Variants in PLCL1 observed in about 807,000 individuals in gnomAD.
PLCL1 encodes the protein phospholipase C like 1 (inactive), also known as inactive phospholipase C-like protein 1.
Under a neutral mutation model 84.4 loss-of-function variants are expected in PLCL1, and 41 were observed. The observed-to-expected ratio is 0.49, with a 90% CI of 0.38 to 0.63. The LOEUF (loss-of-function observed/expected upper bound fraction) is 0.63. PLCL1 is among the 30% of genes least tolerant of loss of function. PLCL1 has a pLI of 0.00. For missense variants in PLCL1, 1,206 were observed against 1,367.8 expected (o/e 0.88, Z 1.87); for synonymous variants, 490 against 488.3 (o/e 1.00, Z -0.05).
chr2:197,969,436 T>G (rs1037783093), intron 1 of PLCL1, among the ~76,000 whole-genome samples: 1 of 152,172 alleles, frequency 6.6e-6, no homozygotes, highest in African/African-American at 2.4e-5. Flanking sequence ...TCCAGGCAAG[T>G]GCTATTTATG....
Position 198,084,566 on chromosome 2 carries a change from A to T in PLCL1, c.1049A>T (p.Glu350Val), listed in dbSNP as rs758032665. The T allele has an allele frequency of 6.2e-7, 1 of 1,613,388 alleles. No homozygotes were observed. The highest frequency in any genetic ancestry group is 1.1e-5 in the South Asian group (1 of 91,074). The stretch of plus-strand genomic sequence containing the variant: ...GAGCAAGGAGTCACCCATATCACCG[A>T]GGATATATGCTTAGACATCATAAGG... ...EAEQGVTHITEDICLDIIRRY... is the reference protein window; with the variant it reads ...EAEQGVTHITVDICLDIIRRY... The change falls in exon 2 of 6, where the codon GAG becomes GTG. Residue 350 changes from glutamate to valine, a missense_variant. Transcript: ENST00000428675.
intron 1 of PLCL1, among the ~76,000 whole-genome samples, chr2:198,052,869 A>G (rs1409035642): frequency 6.6e-6 from 1 of 152,158 alleles, no homozygotes; most frequent in Non-Finnish European, 1.5e-5. Context: ...CTCCCCCTTC[A>G]TTCCTAGCCT....
intron 1 of PLCL1, among the ~76,000 whole-genome samples, chr2:197,980,938 T>C (rs1425654189): frequency 6.6e-6 from 1 of 152,170 alleles, no homozygotes; most frequent in Non-Finnish European, 1.5e-5. Flanking sequence ...CTCAATGAGA[T>C]CTGGGGGAAG....
chr2:198,041,195 A>G (rs559056415), intron 1 of PLCL1, among the ~76,000 whole-genome samples: 1 of 152,320 alleles, frequency 6.6e-6, no homozygotes, highest in East Asian at 1.9e-4. Context: ...TCGGTTTGAA[A>G]TGTCTGAAAA....
chr2:198,057,827 T>G (rs1692104623), intron 1 of PLCL1, among the ~76,000 whole-genome samples: 1 of 152,238 alleles, frequency 6.6e-6, no homozygotes, highest in Non-Finnish European at 1.5e-5. Flanking sequence ...ACTTGAATAT[T>G]TCCAAGGGAA....
chr2:197,833,922 A>C (rs2105659432), intron 1 of PLCL1, among the ~76,000 whole-genome samples: 1 of 152,352 alleles, frequency 6.6e-6, no homozygotes, highest in Admixed American at 6.5e-5. Flanking sequence ...ACTGTACTAC[A>C]AGGCCACAGT....
At chr2:198,017,226 T>C (rs1316508653) in intron 1 of PLCL1, among the ~76,000 whole-genome samples, 1 of 152,138 alleles carries the variant, frequency 6.6e-6, no homozygotes. Flanking sequence ...CAAAGAACAA[T>C]AGACATGGGG....
intron 4 of PLCL1, among the ~76,000 whole-genome samples, chr2:198,102,499 G>A (rs991362822): frequency 6.6e-6 from 1 of 152,010 alleles, no homozygotes; most frequent in African/African-American, 2.4e-5. Context: ...ATAAAAACTA[G>A]AACAAGGAGA....
At chr2:197,987,684 C>T (rs982169807) in intron 1 of PLCL1, among the ~76,000 whole-genome samples, 1 of 152,154 alleles carries the variant, frequency 6.6e-6, no homozygotes, top group East Asian at 1.9e-4. Flanking sequence ...ATTATCATTA[C>T]TGAAGAATAA....
At chr2:198,066,014 A>G (rs1692313641) in intron 1 of PLCL1, among the ~76,000 whole-genome samples, 1 of 152,180 alleles carries the variant, frequency 6.6e-6, no homozygotes, top group Non-Finnish European at 1.5e-5. Flanking sequence ...GTTACAAATT[A>G]TTATTACTGA....
intron 1 of PLCL1, among the ~76,000 whole-genome samples, chr2:197,973,867 A>G (rs1241336475): frequency 1.3e-5 from 2 of 152,238 alleles, no homozygotes; most frequent in Admixed American, 1.3e-4. Flanking sequence ...CCTGATTTGT[A>G]TACTCTTCTT....
chr2:198,022,450 G>T (rs1691158105), intron 1 of PLCL1, among the ~76,000 whole-genome samples: 2 of 152,280 alleles, frequency 1.3e-5, no homozygotes, highest in South Asian at 4.1e-4. Context: ...AGGAAGAGAG[G>T]AAGTCAAATT....
intron 1 of PLCL1, among the ~76,000 whole-genome samples, chr2:197,964,319 T>C (rs1242369140): frequency 2.6e-5 from 4 of 152,120 alleles, no homozygotes; most frequent in Non-Finnish European, 5.9e-5. Flanking sequence ...TTCAGTTTTT[T>C]GGTTAATTCC....
chr2:198,112,539 C>T (rs917517604), intron 5 of PLCL1, among the ~76,000 whole-genome samples: 5 of 151,894 alleles, frequency 3.3e-5, no homozygotes, highest in Non-Finnish European at 7.4e-5. Context: ...CCCTCCTCCA[C>T]AGCCACAGTT....
intron 1 of PLCL1, among the ~76,000 whole-genome samples, chr2:197,849,277 C>A (rs750399911): frequency 6.6e-6 from 1 of 151,978 alleles, no homozygotes; most frequent in Non-Finnish European, 1.5e-5. Context: ...ATTAGTGAGG[C>A]GGCTCATGCC....
intron 5 of PLCL1, among the ~76,000 whole-genome samples, chr2:198,124,202 G>T (rs948059221): frequency 1.3e-5 from 2 of 152,146 alleles, no homozygotes; most frequent in South Asian, 2.1e-4. Context: ...TATGTGGGCA[G>T]ATAGGACAGT....
rs1228871216 is a variant in PLCL1, at chr2:197,857,423, G to A, written c.240+52084G>A. 2.0e-5 allele frequency among the ~76,000 whole-genome samples: 3 copies of A among 152,142 alleles called. No homozygotes were observed. In the South Asian group the frequency reaches 6.2e-4, roughly 31 times the overall value. ...TACACAGAAAGTTTGTTCTCTGATA[G>A]GCATAGGTACACTGAATAAACTACT... On this transcript the variant is annotated intron_variant, in intron 1 of 5. Coordinates refer to ENST00000428675, the MANE Select transcript of PLCL1 (RefSeq NM_006226.4).
At chr2:197,927,424 T>C (rs1185252142) in intron 1 of PLCL1, among the ~76,000 whole-genome samples, 2 of 152,224 alleles carry the variant, frequency 1.3e-5, no homozygotes, top group Non-Finnish European at 2.9e-5. Flanking sequence ...CATATCTCTT[T>C]CCTTTGGGAT....
At chr2:197,877,866 C>T (rs964227475) in intron 1 of PLCL1, among the ~76,000 whole-genome samples, 1 of 152,060 alleles carries the variant, frequency 6.6e-6, no homozygotes, top group Non-Finnish European at 1.5e-5. Flanking sequence ...GGTCCTCAAA[C>T]CTCTTAAAAT....
Sources: allele counts gnomAD v4.1 joint callset (sites outside exome capture counted in the v4.1 genomes callset), GRCh38; gene constraint gnomAD v4.1.1; transcripts MANE v1.5; gene names NCBI Gene and HGNC (gene_info 2026-07-23, HGNC 2026-07-21).